Variants in SUMF1 observed in about 807,000 individuals in gnomAD.
The protein encoded by SUMF1 is sulfatase modifying factor 1.
SUMF1 carries 48 observed loss-of-function variants against 47.6 expected under a neutral mutation model. That is an observed-to-expected ratio of 1.01 (90% CI 0.80 to 1.28). The LOEUF is 1.28. Among genes scored for constraint, SUMF1 ranks in the 50% most tolerant of loss-of-function variants. The pLI is 0.00. For synonymous variants in SUMF1, 230 were observed against 192.1 expected (o/e 1.20, Z -1.63); for missense variants, 571 against 485.4 (o/e 1.18, Z -1.66).
At chr3:4,316,607 T>C (rs1371238871) in intron 8 of SUMF1, 7 of 1,551,136 alleles carry the variant, frequency 4.5e-6, no homozygotes. Flanking sequence ...AAAATCGTCG[T>C]TTTGAAGTGT....
chr3:4,452,499 A>T (rs1485668896), intron 2 of SUMF1, among the ~76,000 whole-genome samples: 1 of 152,256 alleles, frequency 6.6e-6, no homozygotes, highest in Non-Finnish European at 1.5e-5. Context: ...GTCTTACTTT[A>T]CATGCCATCT....
At chr3:4,136,152 G>C (rs866404650) in intron 8 of SUMF1, among the ~76,000 whole-genome samples, 1 of 152,114 alleles carries the variant, frequency 6.6e-6, no homozygotes, top group South Asian at 2.1e-4. Flanking sequence ...AACCAAAAAA[G>C]AGCCTGCATT....
At chr3:4,386,050 C>T (rs558607259) in intron 7 of SUMF1, among the ~76,000 whole-genome samples, 2 of 152,176 alleles carry the variant, frequency 1.3e-5, no homozygotes, top group Non-Finnish European at 2.9e-5. Context: ...AGTAAGTCTT[C>T]AAATTGGGTA....
rs141769597 is a variant in SUMF1 at position 4,416,478 on chromosome 3, TAAATG to T, written c.840+645_840+649del. On this transcript the variant is annotated intron_variant, in intron 6 of 8. Transcript: ENST00000272902. Reference sequence around the variant, plus strand: ...TTTAAATACTGTATCCAGTCTTACCTAAATGCAATATGTAAAAAAATATGATACAT... The same window carrying T: ...TTTAAATACTGTATCCAGTCTTACCTCAATATGTAAAAAAATATGATACAT... Among the ~76,000 whole-genome samples the T allele has an allele frequency of 3.0e-3, 454 of 152,338 alleles. 5 individuals carry two copies. The highest frequency in any genetic ancestry group is 0.011 in the African/African-American group (442 of 41,578).
intron 3 of SUMF1, among the ~76,000 whole-genome samples, chr3:4,424,738 C>T (rs1222167469): frequency 4.6e-5 from 7 of 151,974 alleles, no homozygotes; most frequent in Admixed American, 2.6e-4. Context: ...CATTTGATTC[C>T]GTTTCTATAA....
intron 8 of SUMF1, among the ~76,000 whole-genome samples, chr3:4,261,808 C>T (rs1009353924): frequency 3.3e-5 from 5 of 152,188 alleles, no homozygotes; most frequent in Non-Finnish European, 5.9e-5. Flanking sequence ...AAAGGCCCCA[C>T]AACTAGTGCC....
intron 8 of SUMF1, among the ~76,000 whole-genome samples, chr3:4,256,790 G>A (rs1030371419): frequency 7.3e-5 from 11 of 151,322 alleles, no homozygotes; most frequent in East Asian, 1.9e-4. Flanking sequence ...TACCAAAGCC[G>A]GGCAGAGACA....
intron 1 of SUMF1, among the ~76,000 whole-genome samples, chr3:4,460,589 TCA>T (rs943468796): frequency 2.7e-5 from 4 of 147,138 alleles, no homozygotes; most frequent in African/African-American, 1.0e-4. Flanking sequence ...TCATGTGCCC[TCA>T]CACACACAGT....
chr3:4,282,295 T>A (rs1254298789), intron 8 of SUMF1, among the ~76,000 whole-genome samples: 2 of 152,152 alleles, frequency 1.3e-5, no homozygotes, highest in Admixed American at 6.5e-5. Context: ...TTATTGCAGT[T>A]TTACCAGAAG....
intron 3 of SUMF1, among the ~76,000 whole-genome samples, chr3:4,448,097 A>G (rs1049690902): frequency 6.6e-6 from 1 of 152,156 alleles, no homozygotes; most frequent in East Asian, 1.9e-4. Context: ...ATAAACTTGT[A>G]AGGAGCAAAG....
chr3:4,422,948 CCT>C (rs59935780), intron 3 of SUMF1, among the ~76,000 whole-genome samples: 49,024 of 151,822 alleles, frequency 0.32, 8,618 homozygotes, highest in East Asian at 0.4. Context: ...TATCACTTCC[CCT>C]GAGTCCCCAA....
intron 8 of SUMF1, among the ~76,000 whole-genome samples, chr3:4,124,178 A>T (rs1693605914): frequency 6.6e-6 from 1 of 152,138 alleles, no homozygotes; most frequent in African/African-American, 2.4e-5. Flanking sequence ...TTTACACGCC[A>T]CCTCCCTGCA....
intron 8 of SUMF1, among the ~76,000 whole-genome samples, chr3:4,323,705 C>A (rs1352492601): frequency 6.6e-6 from 1 of 152,018 alleles, no homozygotes; most frequent in Non-Finnish European, 1.5e-5. Context: ...ATGCTTTAGG[C>A]CCCAGGAAAA....
At chr3:4,279,129 C>T (rs1697479260) in intron 8 of SUMF1, among the ~76,000 whole-genome samples, 1 of 152,106 alleles carries the variant, frequency 6.6e-6, no homozygotes, top group South Asian at 2.1e-4. Context: ...TGCTCTAATG[C>T]AACCCTGCAT....
rs188886524 is a variant in SUMF1, at chr3:4,062,674, T to C, written c.1191+5895A>G. 1.6e-4 allele frequency among the ~76,000 whole-genome samples: 25 copies of C among 152,302 alleles called. No homozygotes were observed. The East Asian group carries it at 4.8e-3, about 29-fold the overall frequency. The stretch of plus-strand genomic sequence containing the variant: ...TTTATGAATCTTAAAGTGGGTACTT[T>C]AGGGTAATTTGAACCATATTAGCCA... On this transcript the variant is annotated intron_variant and NMD_transcript_variant, in intron 9 of 12. Coordinates refer to the SUMF1 transcript ENST00000448413.
intron 8 of SUMF1, among the ~76,000 whole-genome samples, chr3:4,250,686 T>A (rs929184625): frequency 6.6e-6 from 1 of 152,182 alleles, no homozygotes; most frequent in Admixed American, 6.5e-5. Context: ...CCAGTGCTCA[T>A]TGACCATTCT....
At chr3:4,250,948 A>G (rs1696788189) in intron 8 of SUMF1, among the ~76,000 whole-genome samples, 1 of 152,146 alleles carries the variant, frequency 6.6e-6, no homozygotes, top group Admixed American at 6.5e-5. Flanking sequence ...TCCTAACGAT[A>G]TTCATTCTGC....
chr3:4,171,436 T>C (rs1310580601), intron 8 of SUMF1, among the ~76,000 whole-genome samples: 1 of 152,202 alleles, frequency 6.6e-6, no homozygotes, highest in Non-Finnish European at 1.5e-5. Context: ...TGTGTTTACA[T>C]GGGCCAAAGA....
intron 8 of SUMF1, among the ~76,000 whole-genome samples, chr3:4,093,087 G>C (rs1574875867): frequency 6.6e-6 from 1 of 152,054 alleles, no homozygotes; most frequent in East Asian, 1.9e-4. Flanking sequence ...TTTGTAGTTG[G>C]GTGTTCTTGG....
Sources: allele counts gnomAD v4.1 joint callset (sites outside exome capture counted in the v4.1 genomes callset), GRCh38; gene constraint gnomAD v4.1.1; transcripts MANE v1.5; gene names NCBI Gene and HGNC (gene_info 2026-07-23, HGNC 2026-07-21).